DEFB119: variants seen among roughly 807,000 people sequenced by gnomAD.
The protein encoded by DEFB119 is defensin beta 119.
Under a neutral mutation model 2.5 loss-of-function variants are expected in DEFB119, and 3 were observed. The ratio of observed to expected loss-of-function variants is 1.19; its 90% confidence interval spans 0.54 to 3.07. DEFB119 has a LOEUF of 3.07. Ranked by LOEUF, DEFB119 falls within the 30% of genes most tolerant of loss-of-function variation. The probability of loss-of-function intolerance (pLI) is 0.03; values close to 1 mark genes in which losing one functional copy is unlikely to be tolerated. For missense variants in DEFB119, 113 were observed against 101.1 expected (o/e 1.12, Z -0.50); for synonymous variants, 29 against 33.7 (o/e 0.86, Z 0.48).
intron 1 of DEFB119, among the ~76,000 whole-genome samples, chr20:31,380,781 A>T (rs1986477794): frequency 1.3e-5 from 2 of 151,932 alleles, no homozygotes; most frequent in Admixed American, 1.3e-4. Flanking sequence ...CCATTGATTG[A>T]TGTACCTGTT....
intron 1 of DEFB119, among the ~76,000 whole-genome samples, chr20:31,386,243 CT>C (rs1986699853): frequency 1.3e-5 from 2 of 152,068 alleles, no homozygotes; most frequent in African/African-American, 4.8e-5. Context: ...CAGAGAAAAC[CT>C]GGGGGCAGGG....
At chr20:31,388,025 G>A (rs1385073148) in intron 1 of DEFB119, 1 of 981,738 alleles carries the variant, frequency 1.0e-6, no homozygotes, top group Non-Finnish European at 1.2e-6. Context: ...TTGGTCCCTG[G>A]CCTCACTGCA....
intron 1 of DEFB119, chr20:31,378,246 C>A: frequency 1.9e-6 from 3 of 1,542,946 alleles, no homozygotes; most frequent in South Asian, 1.1e-5. Context: ...AGTAACAGGG[C>A]CACCACTCCC....
At chr20:31,390,341 G>T in intron 1 of DEFB119, 82 bp downstream of exon 1, 1 of 1,317,414 alleles carries the variant, frequency 7.6e-7, no homozygotes, top group Non-Finnish European at 1.1e-6. Context: ...AAAGGCTTCA[G>T]ATGATGCCCA....
At chr20:31,388,834 G>T in intron 1 of DEFB119, 3 of 1,033,956 alleles carry the variant, frequency 2.9e-6, no homozygotes, top group Non-Finnish European at 4.1e-6. Flanking sequence ...TCATCTTCAA[G>T]ACTGTAATGA....
intron 1 of DEFB119, chr20:31,389,071 AT>A: frequency 6.2e-7 from 1 of 1,614,210 alleles, no homozygotes; most frequent in Non-Finnish European, 8.5e-7. Flanking sequence ...TGTTGTGGAC[AT>A]CTGAGGAGTG....
intron 1 of DEFB119, among the ~76,000 whole-genome samples, chr20:31,384,459 A>G (rs2122302580): frequency 6.6e-6 from 1 of 152,352 alleles, no homozygotes; most frequent in Admixed American, 6.5e-5. Context: ...AACTTTTAAG[A>G]TAAAAAAAAT....
intron 1 of DEFB119, among the ~76,000 whole-genome samples, chr20:31,377,781 C>T (rs1374042684): frequency 6.6e-6 from 1 of 152,128 alleles, no homozygotes; most frequent in Admixed American, 6.5e-5. Context: ...CAGACTTGTG[C>T]TGGAGAGACT....
At chr20:31,378,260 G>C (rs1986374678) in intron 1 of DEFB119, 2 of 1,588,828 alleles carry the variant, frequency 1.3e-6, no homozygotes, top group Non-Finnish European at 1.7e-6. Flanking sequence ...CACTCCCTGA[G>C]ATGTGACTTG....
At chr20:31,388,973 T>C (rs1008376723) in intron 1 of DEFB119, 2 of 1,596,590 alleles carry the variant, frequency 1.3e-6, no homozygotes, top group Non-Finnish European at 1.7e-6. Flanking sequence ...AGAAACAAAT[T>C]TGTGAGTTTT....
chr20:31,385,120 A>G (rs1267768641), intron 1 of DEFB119, among the ~76,000 whole-genome samples: 2 of 152,208 alleles, frequency 1.3e-5, no homozygotes, highest in Non-Finnish European at 2.9e-5. Flanking sequence ...AGACAAGACT[A>G]TTATTCTGCT....
chr20:31,384,776 T>A (rs979057980), intron 1 of DEFB119, among the ~76,000 whole-genome samples: 4 of 152,204 alleles, frequency 2.6e-5, no homozygotes, highest in African/African-American at 7.2e-5. Context: ...TTTTTAAAAA[T>A]TTTTTCTAAT....
chr20:31,383,971 C>T (rs972612969), intron 1 of DEFB119, among the ~76,000 whole-genome samples: 2 of 152,182 alleles, frequency 1.3e-5, no homozygotes, highest in African/African-American at 4.8e-5. Flanking sequence ...TGCCTTCTGC[C>T]ATGACTGTGA....
chr20:31,377,221 G>A lies in DEFB119; in HGVS notation c.*25C>T. ...GACAGCAGGTCTCTGTGCCCAGAGAGCTTGAGAATGGTAATCACCAGCACT... is the reference window on the plus strand; with the variant it reads ...GACAGCAGGTCTCTGTGCCCAGAGAACTTGAGAATGGTAATCACCAGCACT... On this transcript the variant is annotated 3_prime_UTR_variant, in exon 2 of 2. Transcript: ENST00000376321. The A allele has an allele frequency of 6.3e-7, 1 of 1,589,540 alleles. No individual in the cohort carries two copies.
rs1456576577 is a variant in DEFB119 at position 31,377,373 on chromosome 20, T to C, written c.128A>G (p.Glu43Gly). Reference sequence around the variant, plus strand: ...ATTTCTGCAATAGAGGTAGGGCTGTTCGTTCTTTTTGCAAGAGGCCCTACA... The same window carrying C: ...ATTTCTGCAATAGAGGTAGGGCTGTCCGTTCTTTTTGCAAGAGGCCCTACA... Reference protein sequence around the residue: ...GICRASCKKNEQPYLYCRNCQ... With the variant: ...GICRASCKKNGQPYLYCRNCQ... The change falls in exon 2 of 2, where the codon GAA becomes GGA. Residue 43 changes from glutamate (E) to glycine (G), a missense_variant. Glu to Gly is a moderately conservative substitution (Grantham distance 98). Transcript: ENST00000376321. 4 of 1,614,004 alleles carry C rather than the reference T, an allele frequency of 2.5e-6. No homozygotes were observed. The highest frequency in any genetic ancestry group is 1.7e-5 in the Admixed American group (1 of 59,996).
intron 1 of DEFB119, chr20:31,389,200 A>C (rs1340986844): frequency 6.2e-7 from 1 of 1,614,166 alleles, no homozygotes; most frequent in South Asian, 1.1e-5. Flanking sequence ...TTTGCACAAC[A>C]ACCGGCAGTG....
At chr20:31,383,930 T>A (rs185958997) in intron 1 of DEFB119, among the ~76,000 whole-genome samples, 1 of 152,314 alleles carries the variant, frequency 6.6e-6, no homozygotes, top group East Asian at 1.9e-4. Context: ...CTCTTTTGCC[T>A]GCCATCATGT....
intron 1 of DEFB119, among the ~76,000 whole-genome samples, chr20:31,383,805 T>C (rs904801099): frequency 6.6e-6 from 1 of 152,094 alleles, no homozygotes; most frequent in Non-Finnish European, 1.5e-5. Context: ...ATCCCACCAC[T>C]GCACTGCAGC....
intron 1 of DEFB119, among the ~76,000 whole-genome samples, chr20:31,388,777 G>C (rs1297507144): frequency 6.6e-6 from 1 of 152,024 alleles, no homozygotes; most frequent in African/African-American, 2.4e-5. Flanking sequence ...GTTCTCCCCA[G>C]TCCACTCCTG....
Sources: gnomAD v4.1 joint callset for allele counts (sites outside exome capture counted in the v4.1 genomes callset) on GRCh38, gnomAD v4.1.1 for gene constraint, MANE v1.5 for transcripts, NCBI Gene and HGNC (gene_info 2026-07-23, HGNC 2026-07-21) for gene names.